The following PTPRD variants were observed in gnomAD, a reference collection of about 807,000 sequenced individuals.
PTPRD encodes protein tyrosine phosphatase receptor type D, also known as receptor-type tyrosine-protein phosphatase delta.
In PTPRD, 34 loss-of-function variants were observed where a neutral mutation model predicts 214.5. The observed-to-expected ratio is 0.16, with a 90% CI of 0.12 to 0.21. PTPRD has a LOEUF of 0.21. Ranked by LOEUF, PTPRD falls within the 10% of genes least tolerant of loss-of-function variation. The probability of loss-of-function intolerance (pLI) is 1.00; values close to 1 mark genes in which losing one functional copy is unlikely to be tolerated. For synonymous variants in PTPRD, 1,128 were observed against 845.7 expected, an observed-to-expected ratio of 1.33 and a Z score of -5.79; for missense variants, 2,545 against 2,398.7, an observed-to-expected ratio of 1.06 and a Z score of -1.27.
chr9:10,381,034 G>C (rs111511146), intron 2 of PTPRD, among the ~76,000 whole-genome samples: 2,334 of 151,500 alleles, frequency 0.015, 64 homozygotes, highest in African/African-American at 0.054. Flanking sequence ...GAGATTAGTA[G>C]GACGCTCAAC....
At chr9:9,155,022 A>G (rs80290217) in intron 10 of PTPRD, among the ~76,000 whole-genome samples, 5,165 of 152,242 alleles carry the variant, frequency 0.034, 307 homozygotes, top group African/African-American at 0.12. Context: ...GTTAGATACA[A>G]TATGATGAAT....
chr9:8,847,094 C>T lies in PTPRD; in HGVS notation c.-103-113148G>A, dbSNP rs77220515. ...AAGTTAGTATCTATTTTGGTATCCT[C>T]GATATAATACAAGTGTAACTGAGAG... On this transcript the variant is annotated intron_variant, in intron 11 of 45. Coordinates refer to ENST00000381196, the MANE Select transcript of PTPRD (RefSeq NM_002839.4). 8.5e-4 allele frequency among the ~76,000 whole-genome samples: 129 copies of T among 151,594 alleles called. 1 individual carries two copies. The East Asian group carries it at 0.019, about 22-fold the overall frequency.
chr9:8,407,980 G>C (rs1310102436), intron 35 of PTPRD, among the ~76,000 whole-genome samples: 1 of 152,132 alleles, frequency 6.6e-6, no homozygotes, highest in Non-Finnish European at 1.5e-5. Context: ...CATAAAACTG[G>C]TTGAGGAAAA....
chr9:10,540,945 T>C (rs1348650464), intron 2 of PTPRD, among the ~76,000 whole-genome samples: 1 of 151,888 alleles, frequency 6.6e-6, no homozygotes, highest in Non-Finnish European at 1.5e-5. Flanking sequence ...CTGGCAGGGG[T>C]GTATGGGAAA....
chr9:10,274,037 T>C (rs898092725), intron 3 of PTPRD, among the ~76,000 whole-genome samples: 1 of 152,118 alleles, frequency 6.6e-6, no homozygotes, highest in Non-Finnish European at 1.5e-5. Flanking sequence ...AGAATTTCAT[T>C]CTTGAGAAAT....
intron 5 of PTPRD, among the ~76,000 whole-genome samples, chr9:9,828,801 T>C (rs929186200): frequency 3.3e-5 from 5 of 151,844 alleles, no homozygotes; most frequent in African/African-American, 1.2e-4. Context: ...TATACCATCA[T>C]CTAGTTATTG....
At chr9:8,600,697 T>A (rs2094803391) in intron 14 of PTPRD, among the ~76,000 whole-genome samples, 1 of 151,708 alleles carries the variant, frequency 6.6e-6, no homozygotes, top group Non-Finnish European at 1.5e-5. Context: ...AAGGACCCAG[T>A]CCAGGCAGAA....
At chr9:9,474,849 T>A (rs1215689477) in intron 8 of PTPRD, among the ~76,000 whole-genome samples, 1 of 152,154 alleles carries the variant, frequency 6.6e-6, no homozygotes, top group Non-Finnish European at 1.5e-5. Flanking sequence ...TTTATAGATT[T>A]TTACATATGT....
At chr9:9,931,940 C>A (rs566815191) in intron 5 of PTPRD, among the ~76,000 whole-genome samples, 2 of 151,992 alleles carry the variant, frequency 1.3e-5, no homozygotes, top group Non-Finnish European at 2.9e-5. Context: ...AGCAGCCTAA[C>A]TGGGAGGCAC....
chr9:10,505,224 C>T (rs72700966), intron 2 of PTPRD, among the ~76,000 whole-genome samples: 15,028 of 152,188 alleles, frequency 0.099, 1,004 homozygotes, highest in African/African-American at 0.18. Flanking sequence ...TTCAGCTTAT[C>T]TGAGGTATTG....
chr9:8,336,075 C>CAATG, intron 43 of PTPRD, among the ~76,000 whole-genome samples: 1 of 151,048 alleles, frequency 6.6e-6, no homozygotes, highest in East Asian at 2.0e-4. Context: ...ATCAAGCTAC[C>CAATG]AATGACTTTC....
chr9:9,621,927 TATA>T (rs1220353215), intron 7 of PTPRD, among the ~76,000 whole-genome samples: 1 of 152,182 alleles, frequency 6.6e-6, no homozygotes, highest in African/African-American at 2.4e-5. Flanking sequence ...ATCCCCTGCC[TATA>T]AAGTAAGGCA....
intron 3 of PTPRD, among the ~76,000 whole-genome samples, chr9:10,133,399 C>G (rs150407): frequency 0.71 from 107,681 of 152,018 alleles, 38,908 homozygotes; most frequent in Middle Eastern, 0.87. Flanking sequence ...CTGCAGGTGA[C>G]GGTGTTCCCA....
chr9:10,314,361 A>C (rs2096363271), intron 3 of PTPRD, among the ~76,000 whole-genome samples: 1 of 151,930 alleles, frequency 6.6e-6, no homozygotes, highest in Admixed American at 6.6e-5. Context: ...TTTACAGGTG[A>C]AGGATGAGAT....
At chr9:9,293,550 T>C (rs1221293189) in intron 9 of PTPRD, among the ~76,000 whole-genome samples, 1 of 151,566 alleles carries the variant, frequency 6.6e-6, no homozygotes, top group East Asian at 2.0e-4. Context: ...AAACCACATA[T>C]GAAAGTTGAA....
chr9:9,530,955 G>C (rs915538099), intron 8 of PTPRD, among the ~76,000 whole-genome samples: 1 of 152,090 alleles, frequency 6.6e-6, no homozygotes, highest in African/African-American at 2.4e-5. Flanking sequence ...GATAGAATTT[G>C]TAAGTTTTAA....
chr9:10,349,441 C>T (rs1327232117), intron 2 of PTPRD, among the ~76,000 whole-genome samples: 1 of 152,102 alleles, frequency 6.6e-6, no homozygotes, highest in Non-Finnish European at 1.5e-5. Context: ...GCCTATGTTC[C>T]CATCTGTCAT....
At chr9:9,094,017 T>C (rs2154433762) in intron 10 of PTPRD, among the ~76,000 whole-genome samples, 2 of 152,170 alleles carry the variant, frequency 1.3e-5, no homozygotes, top group Middle Eastern at 3.4e-3. Flanking sequence ...AATAAGAGAA[T>C]ATTAAGCTCA....
rs971178443 is a variant in PTPRD at position 10,598,314 on chromosome 9, C to T, written c.-600+14084G>A. 5.3e-5 allele frequency among the ~76,000 whole-genome samples: 8 copies of T among 151,704 alleles called. No homozygotes were observed. In the East Asian group the frequency reaches 1.6e-3, roughly 30 times the overall value. On this transcript the variant is annotated intron_variant, in intron 2 of 45. Transcript: ENST00000381196. ...ACATTTCTTCAGAAAGTAAAATTAG[C>T]CTAATATTAAAATTTTAAGTAAATA...
Sources: gnomAD v4.1 joint callset for allele counts (sites outside exome capture counted in the v4.1 genomes callset) on GRCh38, gnomAD v4.1.1 for gene constraint, MANE v1.5 for transcripts, NCBI Gene and HGNC (gene_info 2026-07-23, HGNC 2026-07-21) for gene names.